Variants in NCOA2 observed in about 807,000 individuals in gnomAD.
NCOA2 encodes class E basic helix-loop-helix protein 75.
Under a neutral mutation model 145.1 loss-of-function variants are expected in NCOA2, and 21 were observed. The ratio of observed to expected loss-of-function variants is 0.14; its 90% CI spans 0.10 to 0.21. The LOEUF is 0.21. Among genes scored for constraint, NCOA2 ranks in the 10% least tolerant of loss-of-function variants. The pLI, the probability that NCOA2 is intolerant of heterozygous loss-of-function variation, is 1.00. For synonymous variants in NCOA2, 619 were observed against 637.5 expected (o/e 0.97, Z 0.44); for missense variants, 1,472 against 1,837.6 (o/e 0.80, Z 3.64).
chr8:70,315,839 C>T (rs1300336405), intron 1 of NCOA2, among the ~76,000 whole-genome samples: 1 of 152,224 alleles, frequency 6.6e-6, no homozygotes, highest in Non-Finnish European at 1.5e-5. Context: ...ACACGGCTGG[C>T]GGCCCTGAGA....
At chr8:70,299,949 G>A (rs1827370097) in intron 1 of NCOA2, among the ~76,000 whole-genome samples, 2 of 152,116 alleles carry the variant, frequency 1.3e-5, no homozygotes, top group South Asian at 4.1e-4. Context: ...ACTCAATAAA[G>A]GGGAATGAAT....
At chr8:70,321,325 CTTTG>C (rs781319427) in intron 1 of NCOA2, among the ~76,000 whole-genome samples, 2 of 150,774 alleles carry the variant, frequency 1.3e-5, no homozygotes, top group Admixed American at 1.3e-4. Context: ...TATAACATCA[CTTTG>C]TTTTTTTTTT....
intron 4 of NCOA2, among the ~76,000 whole-genome samples, chr8:70,203,132 A>C (rs1818070073): frequency 6.6e-6 from 1 of 152,076 alleles, no homozygotes; most frequent in African/African-American, 2.4e-5. Context: ...GCATGATGGC[A>C]TGTGCCTGTA....
intron 2 of NCOA2, among the ~76,000 whole-genome samples, chr8:70,258,003 C>T (rs967946829): frequency 1.2e-4 from 19 of 152,136 alleles, no homozygotes; most frequent in Non-Finnish European, 2.4e-4. Context: ...CTGTAACCTC[C>T]GCCTTCTAGG....
intron 4 of NCOA2, among the ~76,000 whole-genome samples, chr8:70,196,262 G>A (rs901353008): frequency 6.6e-6 from 1 of 152,162 alleles, no homozygotes; most frequent in African/African-American, 2.4e-5. Context: ...TGTAATCTCA[G>A]CTACTTGGGA....
the NCOA2 span, chr8:70,424,546 G>C: frequency 3.8e-6 from 2 of 528,408 alleles, no homozygotes; most frequent in Non-Finnish European, 7.6e-6. Context: ...CGCAAAATAT[G>C]CTGGAATTTC....
chr8:70,398,205 C>T (rs976931754), intron 1 of NCOA2, among the ~76,000 whole-genome samples: 2 of 152,180 alleles, frequency 1.3e-5, no homozygotes, highest in African/African-American at 4.8e-5. Context: ...TGCTTTTAAT[C>T]CCAGCACTTT....
intron 1 of NCOA2, among the ~76,000 whole-genome samples, chr8:70,379,137 G>C (rs930464374): frequency 3.9e-5 from 6 of 152,100 alleles, no homozygotes; most frequent in Admixed American, 3.3e-4. Flanking sequence ...AATATTATAT[G>C]GTAATTTTTC....
chr8:70,455,023 T>G, the NCOA2 span, among the ~76,000 whole-genome samples: 1 of 152,228 alleles, frequency 6.6e-6, no homozygotes, highest in African/African-American at 2.4e-5. Flanking sequence ...TACTAGTAAC[T>G]TTGTGGCTCC....
intron 2 of NCOA2, among the ~76,000 whole-genome samples, chr8:70,243,744 T>A (rs1054325336): frequency 2.7e-5 from 4 of 148,350 alleles, no homozygotes; most frequent in African/African-American, 1.0e-4. Flanking sequence ...CACAGACTAC[T>A]TACAAGAACA....
chr8:70,285,089 A>G (rs1826146201), intron 2 of NCOA2, among the ~76,000 whole-genome samples: 1 of 152,200 alleles, frequency 6.6e-6, no homozygotes, highest in African/African-American at 2.4e-5. Flanking sequence ...TATAAAAAGG[A>G]CATGGTCTTA....
chr8:70,432,564 G>A, the NCOA2 span, among the ~76,000 whole-genome samples: 1 of 152,160 alleles, frequency 6.6e-6, no homozygotes. Context: ...TCGAAAGGCC[G>A]AGGCAGGAGG....
chr8:70,292,301 C>T (rs1176796290), intron 2 of NCOA2, among the ~76,000 whole-genome samples: 6 of 151,682 alleles, frequency 4.0e-5, no homozygotes, highest in Admixed American at 3.9e-4. Flanking sequence ...TACAGGCACA[C>T]GCCACCATGC....
chr8:70,413,975 T>C, the NCOA2 span, among the ~76,000 whole-genome samples: 1 of 152,208 alleles, frequency 6.6e-6, no homozygotes, highest in Non-Finnish European at 1.5e-5. Context: ...GAGTGGTAGG[T>C]ATGTGAATAT....
At chr8:70,248,496 T>G (rs1367956572) in intron 2 of NCOA2, among the ~76,000 whole-genome samples, 1 of 152,188 alleles carries the variant, frequency 6.6e-6, no homozygotes, top group Non-Finnish European at 1.5e-5. Context: ...CTCTATGTCC[T>G]GGCTCCTTTC....
At chr8:70,157,881 G>C (rs917853504) in intron 10 of NCOA2, among the ~76,000 whole-genome samples, 6 of 152,180 alleles carry the variant, frequency 3.9e-5, no homozygotes, top group Admixed American at 3.9e-4. Context: ...AACAGCATGG[G>C]AAGGGAAGTT....
At chr8:70,331,414 A>T (rs1037360127) in intron 1 of NCOA2, among the ~76,000 whole-genome samples, 1 of 152,172 alleles carries the variant, frequency 6.6e-6, no homozygotes, top group Non-Finnish European at 1.5e-5. Flanking sequence ...GGTACTACAA[A>T]TTTTAAGCTA....
intron 1 of NCOA2, among the ~76,000 whole-genome samples, chr8:70,374,064 G>GA (rs1303561447): frequency 2.0e-5 from 3 of 151,954 alleles, no homozygotes; most frequent in Non-Finnish European, 2.9e-5. Context: ...CTGAATGGGG[G>GA]AAAAAAGTAG....
At chr8:70,318,692 G>A (rs1805810051) in intron 1 of NCOA2, among the ~76,000 whole-genome samples, 1 of 152,124 alleles carries the variant, frequency 6.6e-6, no homozygotes. Flanking sequence ...TTGAGCCCAG[G>A]AGGTTGAGGC....
Sources: gnomAD v4.1 joint callset for allele counts (sites outside exome capture counted in the v4.1 genomes callset) on GRCh38, gnomAD v4.1.1 for gene constraint, MANE v1.5 for transcripts, NCBI Gene and HGNC (gene_info 2026-07-23, HGNC 2026-07-21) for gene names.